PTPRD: variants seen among roughly 807,000 people sequenced by gnomAD.
PTPRD encodes the protein receptor-type tyrosine-protein phosphatase delta.
Under a neutral mutation model 214.5 loss-of-function variants are expected in PTPRD, and 34 were observed. The observed-to-expected ratio is 0.16, with a 90% confidence interval of 0.12 to 0.21. The LOEUF is 0.21. PTPRD is among the 10% of genes least tolerant of loss of function. The pLI, the probability that PTPRD is intolerant of heterozygous loss-of-function variation, is 1.00. For synonymous variants in PTPRD, 1,128 were observed against 845.7 expected, an observed-to-expected ratio of 1.33 and a Z score of -5.79; for missense variants, 2,545 against 2,398.7, an observed-to-expected ratio of 1.06 and a Z score of -1.27.
At chr9:9,354,728 C>T (rs1046011031) in intron 9 of PTPRD, among the ~76,000 whole-genome samples, 1 of 151,766 alleles carries the variant, frequency 6.6e-6, no homozygotes, top group Non-Finnish European at 1.5e-5. Context: ...TTTGAAGTAT[C>T]AGCAAGGGAT....
chr9:8,687,600 G>A (rs542699341), intron 12 of PTPRD, among the ~76,000 whole-genome samples: 1 of 152,182 alleles, frequency 6.6e-6, no homozygotes, highest in East Asian at 1.9e-4. Context: ...TGTTAGCCTT[G>A]ATCTAATTTT....
At chr9:10,321,500 G>A (rs1015049062) in intron 3 of PTPRD, among the ~76,000 whole-genome samples, 1 of 152,018 alleles carries the variant, frequency 6.6e-6, no homozygotes, top group Non-Finnish European at 1.5e-5. Context: ...AACAAGATTA[G>A]GTTGGAAAAA....
intron 5 of PTPRD, among the ~76,000 whole-genome samples, chr9:9,808,185 T>G (rs1176499856): frequency 1.3e-5 from 2 of 152,200 alleles, no homozygotes; most frequent in African/African-American, 4.8e-5. Flanking sequence ...CTATTATGTT[T>G]TATAGGTTAT....
intron 8 of PTPRD, among the ~76,000 whole-genome samples, chr9:9,498,612 G>A (rs10120367): frequency 0.012 from 1,804 of 152,120 alleles, 23 homozygotes; most frequent in African/African-American, 0.03. Flanking sequence ...TTTATACAGT[G>A]TAAGGAGAAA....
At chr9:9,046,481 C>T (rs570260085) in intron 10 of PTPRD, among the ~76,000 whole-genome samples, 14 of 152,222 alleles carry the variant, frequency 9.2e-5, no homozygotes, top group South Asian at 2.1e-4. Flanking sequence ...TCTGGAAAGA[C>T]AAAGCATATC....
At chr9:9,621,644 T>C (rs2095243328) in intron 7 of PTPRD, among the ~76,000 whole-genome samples, 1 of 152,178 alleles carries the variant, frequency 6.6e-6, no homozygotes. Flanking sequence ...CTTAAGACAT[T>C]TTTAAACCCT....
At chr9:9,302,603 T>TTA (rs1555200183) in intron 9 of PTPRD, among the ~76,000 whole-genome samples, 4 of 117,822 alleles carry the variant, frequency 3.4e-5, no homozygotes, top group Admixed American at 3.3e-4. Context: ...TTTTTTTTCT[T>TTA]TTTTTTTTTT....
intron 10 of PTPRD, among the ~76,000 whole-genome samples, chr9:9,122,458 A>G (rs2099818503): frequency 6.6e-6 from 1 of 152,188 alleles, no homozygotes; most frequent in African/African-American, 2.4e-5. Context: ...GAATTAGCCT[A>G]AATCTGAAAA....
intron 10 of PTPRD, among the ~76,000 whole-genome samples, chr9:9,156,612 G>A (rs1479490752): frequency 6.6e-6 from 1 of 152,016 alleles, no homozygotes; most frequent in Non-Finnish European, 1.5e-5. Context: ...GGAGATTTGG[G>A]GACATCCATT....
intron 6 of PTPRD, among the ~76,000 whole-genome samples, chr9:9,740,319 G>A (rs1388936550): frequency 6.6e-6 from 1 of 151,608 alleles, no homozygotes; most frequent in Non-Finnish European, 1.5e-5. Context: ...TTGTTCAACA[G>A]ATACTATTAT....
rs536049629 is a variant in PTPRD, at chr9:10,139,510, A to T, written c.-544-105720T>A. Among the ~76,000 whole-genome samples, 5 of 152,226 alleles carry T rather than the reference A, an allele frequency of 3.3e-5. No homozygotes were observed. The South Asian group carries it at 1.0e-3, about 32-fold the overall frequency. On this transcript the variant is annotated intron_variant, in intron 3 of 45. Coordinates refer to ENST00000381196, the MANE Select transcript of PTPRD (RefSeq NM_002839.4). ...AACTATCAACATCATTTTTCACAGA[A>T]TTTGAAAAAAAAAGCTATTATAAAA...
chr9:8,603,363 A>C (rs565888919), intron 14 of PTPRD, among the ~76,000 whole-genome samples: 1 of 152,346 alleles, frequency 6.6e-6, no homozygotes, highest in African/African-American at 2.4e-5. Context: ...CTTAGACAAC[A>C]GTTTAAACTC....
intron 10 of PTPRD, among the ~76,000 whole-genome samples, chr9:9,088,581 GAAAAAAAAAAAAAAAA>G (rs533619970): frequency 3.0e-5 from 1 of 33,032 alleles, no homozygotes; most frequent in Non-Finnish European, 6.0e-5. Flanking sequence ...CTTAGTCTCA[GAAAAAAAAAAAAAAAA>G]AAAAAAAAAA....
chr9:9,570,945 A>C (rs2086194303), intron 8 of PTPRD, among the ~76,000 whole-genome samples: 1 of 151,484 alleles, frequency 6.6e-6, no homozygotes, highest in African/African-American at 2.4e-5. Context: ...ATTATGAAGA[A>C]CTGAAACACG....
intron 3 of PTPRD, among the ~76,000 whole-genome samples, chr9:10,107,059 A>G (rs1327221050): frequency 6.6e-6 from 1 of 152,024 alleles, no homozygotes; most frequent in Non-Finnish European, 1.5e-5. Context: ...GAACTAGAAA[A>G]TATGCAGAGC....
intron 2 of PTPRD, among the ~76,000 whole-genome samples, chr9:10,413,380 T>C (rs1041110228): frequency 6.6e-6 from 1 of 151,788 alleles, no homozygotes; most frequent in African/African-American, 2.4e-5. Flanking sequence ...AATAACAAAA[T>C]ACTTAGAAAA....
At chr9:9,049,821 T>C (rs2099681216) in intron 10 of PTPRD, among the ~76,000 whole-genome samples, 1 of 152,184 alleles carries the variant, frequency 6.6e-6, no homozygotes, top group Non-Finnish European at 1.5e-5. Flanking sequence ...ACCATCTTAT[T>C]GTTAGAAATC....
chr9:8,489,227 G>A (rs1169444934), intron 27 of PTPRD, among the ~76,000 whole-genome samples: 1 of 152,180 alleles, frequency 6.6e-6, no homozygotes. Context: ...TTCTGTGGGA[G>A]TTAAAGCTTA....
rs1371632584 is a variant in PTPRD, at chr9:8,793,121, C to T, written c.-103-59175G>A. ...CCTGGTTGGCCCTCAATTATCCCTG[C>T]TTCCAACTATGCACATATTGTCTGT... On this transcript the variant is annotated intron_variant, in intron 11 of 45. Coordinates refer to ENST00000381196, the MANE Select transcript of PTPRD (RefSeq NM_002839.4). Among the ~76,000 whole-genome samples the T allele has an allele frequency of 2.0e-5, 3 of 152,198 alleles. No individual in the cohort carries two copies. The East Asian group carries it at 5.8e-4, about 29-fold the overall frequency.
Sources: gnomAD v4.1 joint callset for allele counts (sites outside exome capture counted in the v4.1 genomes callset) on GRCh38, gnomAD v4.1.1 for gene constraint, MANE v1.5 for transcripts, NCBI Gene and HGNC (gene_info 2026-07-23, HGNC 2026-07-21) for gene names.